The following DNAH14 variants were observed in gnomAD, a reference collection of about 807,000 sequenced individuals.
DNAH14 encodes dynein axonemal heavy chain 14.
A neutral mutation model predicts 520.9 loss-of-function variants in DNAH14; 478 were observed. That is an observed-to-expected ratio of 0.92 (90% CI 0.85 to 0.99). The LOEUF (loss-of-function observed/expected upper bound fraction) is 0.99. DNAH14 is among the 50% of genes least tolerant of loss of function. The pLI, the probability that DNAH14 is intolerant of heterozygous loss-of-function variation, is 0.00. For missense variants in DNAH14, 4,831 were observed against 5,234.5 expected (o/e 0.92, Z 2.38); for synonymous variants, 1,581 against 1,757.2 (o/e 0.90, Z 2.51).
At chr1:225,067,222 G>T (rs1482864001) in intron 17 of DNAH14, among the ~76,000 whole-genome samples, 1 of 152,072 alleles carries the variant, frequency 6.6e-6, no homozygotes, top group South Asian at 2.1e-4. Flanking sequence ...GTGGTATTTG[G>T]TTTTCTATTC....
At chr1:225,218,680 A>G (rs1189386949) in intron 41 of DNAH14, among the ~76,000 whole-genome samples, 1 of 152,136 alleles carries the variant, frequency 6.6e-6, no homozygotes, top group East Asian at 1.9e-4. Context: ...TTAGAGACCG[A>G]CAAACAGACT....
chr1:225,285,869 A>G (rs1307812485), intron 54 of DNAH14, among the ~76,000 whole-genome samples: 1 of 152,202 alleles, frequency 6.6e-6, no homozygotes, highest in Non-Finnish European at 1.5e-5. Context: ...AAAAATAGAA[A>G]TAAATGAAGA....
chr1:225,386,752 G>A (rs546013473), intron 81 of DNAH14, among the ~76,000 whole-genome samples: 10 of 152,314 alleles, frequency 6.6e-5, no homozygotes, highest in Admixed American at 6.5e-4. Context: ...GAGAGGATGT[G>A]GAGAAATAGG....
chr1:225,379,524 T>C (rs987624014), intron 79 of DNAH14, among the ~76,000 whole-genome samples: 3 of 152,108 alleles, frequency 2.0e-5, no homozygotes, highest in African/African-American at 7.2e-5. Context: ...CCTTTCCTTT[T>C]CTTTTTTTAA....
At chr1:225,035,937 C>T (rs181847740) in intron 11 of DNAH14, among the ~76,000 whole-genome samples, 80 of 152,054 alleles carry the variant, frequency 5.3e-4, no homozygotes, top group African/African-American at 1.9e-3. Context: ...GTGTTGAAGT[C>T]TCTAGCTATT....
intron 11 of DNAH14, among the ~76,000 whole-genome samples, chr1:225,034,636 G>A (rs2066806905): frequency 6.6e-6 from 1 of 151,780 alleles, no homozygotes; most frequent in Admixed American, 6.6e-5. Context: ...TTTTAGCATA[G>A]TTTCTGTAGG....
intron 64 of DNAH14, among the ~76,000 whole-genome samples, chr1:225,327,318 C>T (rs577392540): frequency 3.3e-5 from 5 of 152,038 alleles, no homozygotes; most frequent in East Asian, 1.9e-4. Context: ...CCACCACGCC[C>T]GGCTAATTTA....
rs778255997 is a variant in DNAH14 at position 225,167,957 on chromosome 1, A to C, written c.5464A>C (p.Thr1822Pro). 6.5e-7 allele frequency: 1 copy of C among 1,530,088 alleles called. No individual in the cohort carries two copies. The highest frequency in any genetic ancestry group is 1.2e-5 in the South Asian group (1 of 80,064). The allele number at this position is 1,530,088 out of a possible 1,614,324, so 94.8% of individuals were successfully genotyped here. The change falls in exon 36 of 86, where the codon ACT (threonine) becomes CCT (proline). Residue 1822 changes from threonine (T) to proline (P), a missense_variant. Coordinates refer to ENST00000682510, the MANE Select transcript of DNAH14 (RefSeq NM_001367479.1). Reference sequence around the variant, plus strand: ...CTTTTAGAAAGTAATATATACTGCAACTCAGCAATTGGGTTTACAAAACTG... The same window carrying C: ...CTTTTAGAAAGTAATATATACTGCACCTCAGCAATTGGGTTTACAAAACTG... ...LALEKVIYTA[T>P]QQLGLQNWSS...
chr1:225,187,162 AATTCACACAC>A (rs1471056141), intron 37 of DNAH14, among the ~76,000 whole-genome samples: 2 of 151,844 alleles, frequency 1.3e-5, no homozygotes, highest in Admixed American at 1.3e-4. Context: ...TGCCAGGTAA[AATTCACACAC>A]ATGAGATAAA....
In DNAH14 at chr1:225,272,987, T is replaced by G. The variant is rs1345327490; in HGVS notation, c.7872T>G (p.Thr2624=). 1 of 1,547,728 alleles carries G rather than the reference T, an allele frequency of 6.5e-7. No individual in the cohort carries two copies. The highest frequency in any genetic ancestry group is 8.7e-7 in the Non-Finnish European group (1 of 1,146,040). Residue 2624 remains threonine, a synonymous_variant, in exon 52 of 86, where the codon ACT becomes ACG. Coordinates refer to ENST00000682510, the MANE Select transcript of DNAH14 (RefSeq NM_001367479.1). Reference sequence around the variant, plus strand: ...TAGGATTGCTGCAAGCTGACAGGACTGTTGTTAACTCCAAAGAGATGGCTG... The same window carrying G: ...TAGGATTGCTGCAAGCTGACAGGACGGTTGTTAACTCCAAAGAGATGGCTG... ...LLLGLLQADR[T]VVNSKEMAAL... is the part of the protein sequence containing the mutation.
At chr1:225,314,078 T>C (rs539155103) in intron 60 of DNAH14, among the ~76,000 whole-genome samples, 1 of 152,210 alleles carries the variant, frequency 6.6e-6, no homozygotes, top group Admixed American at 6.5e-5. Flanking sequence ...AGTCTAAGTC[T>C]CTCTGTAGGT....
intron 57 of DNAH14, among the ~76,000 whole-genome samples, chr1:225,304,136 T>C (rs1467440690): frequency 6.6e-6 from 1 of 152,218 alleles, no homozygotes; most frequent in Non-Finnish European, 1.5e-5. Flanking sequence ...GCAAAGAGAA[T>C]ATTCTTCGCA....
At chr1:225,368,077 G>T (rs1418778057) in intron 77 of DNAH14, 45 bp downstream of exon 77, 2 of 1,448,796 alleles carry the variant, frequency 1.4e-6, no homozygotes, top group East Asian at 2.5e-5. Context: ...GTAACAATAA[G>T]ATACAAATTG....
intron 71 of DNAH14, among the ~76,000 whole-genome samples, chr1:225,349,487 T>A (rs80352351): frequency 0.041 from 6,276 of 152,194 alleles, 183 homozygotes; most frequent in Middle Eastern, 0.075. Flanking sequence ...TGGATTAAAA[T>A]CTTCAATAAA....
Position 225,079,515 on chromosome 1 carries a change from T to TCTA in DNAH14, c.2735_2737dup (p.Leu912dup). 6.6e-7 allele frequency: 1 copy of TCTA among 1,523,774 alleles called. No individual in the cohort carries two copies. Among genetic ancestry groups the TCTA allele is most frequent in the Non-Finnish European group, 8.8e-7 (1 of 1,140,526 alleles). 94.4% of individuals were successfully genotyped at this position (1,523,774 alleles called of 1,614,324 possible). A position where few individuals can be genotyped will look rare whatever the true frequency, so the allele number is the denominator to read the frequency against. ...ATAACTTGGAAGCATGTATCAGTGG[T>TCTA]CTACATGTTGATGTTGGCAATTTAA... On this transcript the variant is annotated inframe_insertion, in exon 18 of 86. Coordinates refer to ENST00000682510, the MANE Select transcript of DNAH14 (RefSeq NM_001367479.1).
chr1:224,990,289 A>G (rs1162325747), intron 8 of DNAH14, among the ~76,000 whole-genome samples: 1 of 152,214 alleles, frequency 6.6e-6, no homozygotes, highest in African/African-American at 2.4e-5. Context: ...TAACATATTT[A>G]TCACCTCAAA....
rs139079665 is a variant in DNAH14 at position 225,232,280 on chromosome 1, T to TACACACACACAC, written c.6518+1138_6518+1149dup. Among the ~76,000 whole-genome samples the TACACACACACAC allele has an allele frequency of 1.3e-3, 196 of 149,592 alleles. 1 individual carries two copies. The highest frequency in any genetic ancestry group is 6.9e-3 in the Middle Eastern group (2 of 290). ...ATATATAAACTGTGATATATATATA[T>TACACACACACAC]ACACACACACACACACACACGTGTA... On this transcript the variant is annotated intron_variant, in intron 42 of 85. Transcript: ENST00000682510. The surrounding 1 kb of genome is among the most constrained non-coding windows in gnomAD (Gnocchi z 4.2).
chr1:225,386,246 CTT>C (rs894448834), intron 81 of DNAH14, among the ~76,000 whole-genome samples: 4 of 152,188 alleles, frequency 2.6e-5, no homozygotes, highest in African/African-American at 9.7e-5. Flanking sequence ...GGATTAAAGA[CTT>C]AAATGTTAGA....
intron 77 of DNAH14, among the ~76,000 whole-genome samples, chr1:225,371,815 G>T (rs927081839): frequency 6.6e-6 from 1 of 152,102 alleles, no homozygotes; most frequent in Non-Finnish European, 1.5e-5. Context: ...CAGCAGTGAT[G>T]AAAAAATTTA....
Sources: allele counts gnomAD v4.1 joint callset (sites outside exome capture counted in the v4.1 genomes callset), GRCh38; gene constraint gnomAD v4.1.1; non-coding constraint Gnocchi (gnomAD v3.1); transcripts MANE v1.5; gene names NCBI Gene and HGNC (gene_info 2026-07-23, HGNC 2026-07-21).